The following SARS2 variants were observed in gnomAD, a reference collection of about 807,000 sequenced individuals.
SARS2 encodes seryl-tRNA synthetase 2, mitochondrial.
In SARS2, 52 loss-of-function variants were observed where a neutral mutation model predicts 66.8. The ratio of observed to expected loss-of-function variants is 0.78; its 90% confidence interval spans 0.62 to 0.98. The LOEUF (loss-of-function observed/expected upper bound fraction) is 0.98. SARS2 is among the 50% of genes least tolerant of loss of function. SARS2 has a pLI of 0.00. For missense variants in SARS2, 673 were observed against 706.3 expected, an observed-to-expected ratio of 0.95 and a Z score of 0.53; for synonymous variants, 306 against 281.4, an observed-to-expected ratio of 1.09 and a Z score of -0.87.
At chr19:38,930,413 C>A in intron 1 of SARS2, 57 bp downstream of exon 1, 1 of 1,539,042 alleles carries the variant, frequency 6.5e-7, no homozygotes, top group Non-Finnish European at 8.7e-7. Flanking sequence ...ATCTTGCAAA[C>A]CCAATTCTTC....
chr19:38,915,896 G>A lies in SARS2; in HGVS notation c.1358C>T (p.Thr453Ile). ...GAGAAGGCGGGGGACAGCACAGGCG[G>A]TGGCGTTCACCTGTGAGACAGCCAT... ...ELQFAHTVNA[T>I]ACAVPRLLIA... is the part of the protein sequence containing the mutation. Residue 453 changes from threonine to isoleucine, a missense_variant, in exon 15 of 16, where the codon ACC becomes ATC. By Grantham distance (89) the Thr-to-Ile change is moderately conservative. Transcript: ENST00000221431. The A allele has an allele frequency of 6.2e-7, 1 of 1,613,864 alleles. No homozygotes were observed. The highest frequency in any genetic ancestry group is 1.3e-5 in the African/African-American group (1 of 75,046).
intron 2 of SARS2, among the ~76,000 whole-genome samples, chr19:38,922,682 C>T (rs904950328): frequency 2.6e-5 from 4 of 152,054 alleles, no homozygotes; most frequent in Non-Finnish European, 5.9e-5. Context: ...GTCCTGGGGG[C>T]GGTTTCCCCC....
chr19:38,919,941 G>T, intron 6 of SARS2, 74 bp from the exon 7 acceptor site: 1 of 1,426,962 alleles, frequency 7.0e-7, no homozygotes, highest in Non-Finnish European at 9.8e-7. Flanking sequence ...ACACCCGGGG[G>T]AAGAGGCCCG....
intron 12 of SARS2, among the ~76,000 whole-genome samples, chr19:38,916,819 T>C (rs1472615162): frequency 6.6e-6 from 1 of 152,024 alleles, no homozygotes; most frequent in Non-Finnish European, 1.5e-5. Context: ...TGTGCCACCA[T>C]GCCCGGCTGA....
intron 3 of SARS2, 44 bp from the exon 4 acceptor site, chr19:38,921,711 C>T (rs1359241989): frequency 2.5e-6 from 4 of 1,609,904 alleles, no homozygotes; most frequent in Non-Finnish European, 3.4e-6. Flanking sequence ...AGGGTCAGGA[C>T]TCCCTCATCC....
Position 38,921,377 on chromosome 19 carries a change from T to C in SARS2, c.589+15A>G, listed in dbSNP as rs778725736. On this transcript the variant is annotated intron_variant, in intron 5 of 15. Transcript: ENST00000221431. ...CGCAGGGCTTGTCAGCTCCCAGGCC[T>C]GGGGTGTGGCCCACCTGGCTTGTCT... 3 of 1,612,376 alleles carry C rather than the reference T, an allele frequency of 1.9e-6. No homozygotes were observed. Among genetic ancestry groups the C allele is most frequent in the South Asian group, 2.2e-5 (2 of 90,976 alleles).
Position 38,915,592 on chromosome 19 carries a change from C to T in SARS2, c.*14G>A. On this transcript the variant is annotated 3_prime_UTR_variant, in exon 16 of 16. Coordinates refer to ENST00000221431, the MANE Select transcript of SARS2 (RefSeq NM_017827.4). ...GAAGCAGTGACACCCCCGAGGGCTGCTGTGGGTGGGTTCTTAGCTTACAGC... is the reference window on the plus strand; with the variant it reads ...GAAGCAGTGACACCCCCGAGGGCTGTTGTGGGTGGGTTCTTAGCTTACAGC... The T allele has an allele frequency of 6.2e-7, 1 of 1,611,004 alleles. No homozygotes were observed. Among genetic ancestry groups the T allele is most frequent in the Non-Finnish European group, 8.5e-7 (1 of 1,179,754 alleles).
At chr19:38,924,009 G>A (rs1026234681) in intron 2 of SARS2, among the ~76,000 whole-genome samples, 3 of 151,954 alleles carry the variant, frequency 2.0e-5, no homozygotes, top group East Asian at 1.9e-4. Flanking sequence ...GCACGTGCCT[G>A]TAATCCCAGC....
chr19:38,930,614 C>G lies in SARS2; in HGVS notation c.123G>C (p.Arg41=). 6.2e-7 allele frequency: 1 copy of G among 1,614,158 alleles called. No individual in the cohort carries two copies. The highest frequency in any genetic ancestry group is 8.5e-7 in the Non-Finnish European group (1 of 1,180,034). The change falls in exon 1 of 16, where the codon CGG becomes CGC. Residue 41 remains arginine (R), a synonymous_variant. Transcript: ENST00000221431. ...RRSFTTEKRN[R]NLLYEYAREG... is the part of the protein sequence containing the mutation. ...CGCGCGCATACTCGTACAGGAGGTT[C>G]CGGTTTCGTTTCTCTGTAGTGAAAC...
chr19:38,930,754 G>T lies in SARS2; in HGVS notation c.-18C>A, dbSNP rs771049172. 5.0e-6 allele frequency: 8 copies of T among 1,610,332 alleles called. No homozygotes were observed. Among genetic ancestry groups the T allele is most frequent in the East Asian group, 2.2e-5 (1 of 44,890 alleles). On this transcript the variant is annotated 5_prime_UTR_variant, in exon 1 of 16. Transcript: ENST00000221431. ...GCAGCCATCTTGGACCGGGAACAAGGCGGCACTTCGTCCCGCCCACTCCGC... is the reference window on the plus strand; with the variant it reads ...GCAGCCATCTTGGACCGGGAACAAGTCGGCACTTCGTCCCGCCCACTCCGC...
chr19:38,915,544 G>A lies in SARS2; in HGVS notation c.*62C>T. 1.3e-6 allele frequency: 2 copies of A among 1,590,704 alleles called. No individual in the cohort carries two copies. Among genetic ancestry groups the A allele is most frequent in the Non-Finnish European group, 8.6e-7 (1 of 1,169,492 alleles). Reference sequence around the variant, plus strand: ...GGGCTCAGCAACACAGGTCCCAGGTGTCCGGGGTCTCCTGAACTCCAGGAA... The same window carrying A: ...GGGCTCAGCAACACAGGTCCCAGGTATCCGGGGTCTCCTGAACTCCAGGAA... On this transcript the variant is annotated 3_prime_UTR_variant, in exon 16 of 16. Transcript: ENST00000221431.
chr19:38,916,553 A>C lies in SARS2; in HGVS notation c.1161-239T>G, dbSNP rs59785584. Among the ~76,000 whole-genome samples the C allele has an allele frequency of 0.062, 9,381 of 151,332 alleles. 343 individuals are homozygous for C. The highest frequency in any genetic ancestry group is 0.14 in the Middle Eastern group (42 of 292). ...GGGGTGGTTATGGAGAAGGTGGTACATGGAGGGGGAAGCACAAAAGAGGTT... is the reference window on the plus strand; with the variant it reads ...GGGGTGGTTATGGAGAAGGTGGTACCTGGAGGGGGAAGCACAAAAGAGGTT... On this transcript the variant is annotated intron_variant, in intron 12 of 15. Transcript: ENST00000221431.
intron 2 of SARS2, 85 bp downstream of exon 2, chr19:38,926,120 A>C: frequency 8.6e-7 from 1 of 1,168,408 alleles, no homozygotes; most frequent in Non-Finnish European, 1.3e-6. Context: ...CAGCCTGTTC[A>C]AGTTCTTTAA....
intron 2 of SARS2, among the ~76,000 whole-genome samples, chr19:38,925,085 G>A (rs539200946): frequency 2.0e-5 from 3 of 152,308 alleles, no homozygotes; most frequent in South Asian, 2.1e-4. Flanking sequence ...AGGCCAAGGC[G>A]GGTGGATCAC....
chr19:38,920,040 G>A (rs1974491188), intron 6 of SARS2, 46 bp downstream of exon 6: 8 of 1,494,188 alleles, frequency 5.4e-6, no homozygotes, highest in African/African-American at 2.8e-5. Flanking sequence ...CTGTCGGGGT[G>A]CAGGCAGCTG....
At chr19:38,923,284 G>C (rs1425732714) in intron 2 of SARS2, among the ~76,000 whole-genome samples, 5 of 133,540 alleles carry the variant, frequency 3.7e-5, no homozygotes, top group South Asian at 2.5e-4. Flanking sequence ...TGCAGTGGGG[G>C]GATCTCGGCT....
chr19:38,918,906 CCT>C lies in SARS2; in HGVS notation c.760-95_760-94del, dbSNP rs1472482771. The stretch of plus-strand genomic sequence containing the variant: ...AAGGGGTGCTGCAGAGCCCCTTCCT[CCT>C]CAGACGAAACTGAGGCAGGGGCTGG... On this transcript the variant is annotated intron_variant, in intron 7 of 15. Coordinates refer to ENST00000221431, the MANE Select transcript of SARS2 (RefSeq NM_017827.4). 9 of 1,311,106 alleles carry C rather than the reference CCT, an allele frequency of 6.9e-6. No homozygotes were observed. The African/African-American group carries it at 1.2e-4, about 17-fold the overall frequency. 81.2% of individuals were successfully genotyped at this position (1,311,106 alleles called of 1,614,324 possible).
chr19:38,918,355 C>T, intron 9 of SARS2, 67 bp downstream of exon 9: 2 of 1,451,786 alleles, frequency 1.4e-6, no homozygotes, highest in Non-Finnish European at 1.9e-6. Flanking sequence ...CCCAGTGCTC[C>T]CTGGACGCTC....
intron 1 of SARS2, 29 bp downstream of exon 1, chr19:38,930,441 C>A: frequency 1.3e-6 from 2 of 1,576,902 alleles, no homozygotes; most frequent in South Asian, 2.2e-5. Flanking sequence ...CAAACGTCTG[C>A]GCCCCCCGGC....
Sources: gnomAD v4.1 joint callset for allele counts (sites outside exome capture counted in the v4.1 genomes callset) on GRCh38, gnomAD v4.1.1 for gene constraint, MANE v1.5 for transcripts, NCBI Gene and HGNC (gene_info 2026-07-23, HGNC 2026-07-21) for gene names.